The following TPM1 variants were observed in gnomAD, a reference collection of about 807,000 sequenced individuals.
TPM1 encodes the protein tropomyosin 1.
Under a neutral mutation model 42.9 loss-of-function variants are expected in TPM1, and 24 were observed. That is an observed-to-expected ratio of 0.56 (90% CI 0.41 to 0.79). The LOEUF is 0.79. TPM1 is among the 30% of genes least tolerant of loss of function. The pLI is 0.00. For synonymous variants in TPM1, 136 were observed against 130.1 expected, an observed-to-expected ratio of 1.05 and a Z score of -0.31; for missense variants, 158 against 351.8, an observed-to-expected ratio of 0.45 and a Z score of 4.41.
chr15:63,070,572 G>T (rs2141036903), downstream of TPM1: 1 of 1,008,996 alleles, frequency 9.9e-7, no homozygotes, highest in African/African-American at 1.7e-5. Context: ...AATGAAGTGT[G>T]CATGAAACAT....
chr15:63,070,016 C>T (rs1391963898), downstream of TPM1: 10 of 1,608,218 alleles, frequency 6.2e-6, no homozygotes, highest in Middle Eastern at 1.7e-4. Context: ...GACTGTCCTA[C>T]CTTCAACTAA....
In TPM1 at chr15:63,062,562, A is replaced by G. The variant is rs2035785514; in HGVS notation, c.703-14A>G. ...ATAAAACTTCCCAACTTTAACTCAAATAAATCATTACAGGCTGAGACTCGG... is the reference window on the plus strand; with the variant it reads ...ATAAAACTTCCCAACTTTAACTCAAGTAAATCATTACAGGCTGAGACTCGG... On this transcript the variant is annotated splice_polypyrimidine_tract_variant and intron_variant, in intron 7 of 9. Coordinates refer to ENST00000403994, the MANE Select transcript of TPM1 (RefSeq NM_001018005.2). 6.2e-7 allele frequency: 1 copy of G among 1,614,202 alleles called. No homozygotes were observed. Among genetic ancestry groups the G allele is most frequent in the Non-Finnish European group, 8.5e-7 (1 of 1,180,024 alleles).
chr15:63,062,628 G>T lies in TPM1; in HGVS notation c.755G>T (p.Ser252Ile), dbSNP rs1375629623. 1 of 1,614,110 alleles carries T rather than the reference G, an allele frequency of 6.2e-7. No homozygotes were observed. The highest frequency in any genetic ancestry group is 1.3e-5 in the African/African-American group (1 of 74,946). Residue 252 changes from serine (S) to isoleucine (I), a missense_variant, in exon 8 of 10, where the codon AGC becomes ATC. By Grantham distance (142) the Ser-to-Ile change is moderately radical. Around this residue, in one of 4 missense-constraint regions of TPM1, gnomAD observed 64 missense variants for 95.8 expected, o/e 0.67. Transcript: ENST00000403994. The stretch of plus-strand genomic sequence containing the variant: ...AGGTCAGTAACTAAATTGGAGAAAA[G>T]CATTGATGACTTAGAAGGTAAGATC... ...AERSVTKLEK[S>I]IDDLEDELYA... is the part of the protein sequence containing the mutation.
In TPM1 at chr15:63,062,626, A is replaced by G. The variant is rs764036919; in HGVS notation, c.753A>G (p.Lys251=). ...FAERSVTKLE[K]SIDDLEDELY... ...AGAGGTCAGTAACTAAATTGGAGAAAAGCATTGATGACTTAGAAGGTAAGA... is the reference window on the plus strand; with the variant it reads ...AGAGGTCAGTAACTAAATTGGAGAAGAGCATTGATGACTTAGAAGGTAAGA... Residue 251 remains lysine (K), a synonymous_variant, in exon 8 of 10, where the codon AAA becomes AAG. Transcript: ENST00000403994. 6.2e-7 allele frequency: 1 copy of G among 1,614,246 alleles called. No individual in the cohort carries two copies. Among genetic ancestry groups the G allele is most frequent in the Admixed American group, 1.7e-5 (1 of 60,030 alleles).
rs966931480 is a variant in TPM1, at chr15:63,064,820, A to G, written c.851+678A>G. 3.1e-5 allele frequency: 17 copies of G among 541,152 alleles called. No homozygotes were observed. The African/African-American group carries it at 3.3e-4, about 10-fold the overall frequency. The allele number at this position is 541,152 out of a possible 1,614,324, so 33.5% of individuals were successfully genotyped here. ...CTCTACTAAAAATACAAAAAAAATT[A>G]GCCGGGCGTGGTGGTGGATGCCTGT... On this transcript the variant is annotated intron_variant, in intron 9 of 9. Coordinates refer to ENST00000403994, the MANE Select transcript of TPM1 (RefSeq NM_001018005.2).
At chr15:63,069,872 C>A, downstream of TPM1, 1 of 1,614,038 alleles carries the variant, frequency 6.2e-7, no homozygotes, top group Non-Finnish European at 8.5e-7. Flanking sequence ...CTGTACAGAT[C>A]AACTCTACCA....
In TPM1 at chr15:63,071,198, C is replaced by CTTTCATTTTG. The variant is rs1555412174; in HGVS notation, c.*30_*31insATTTTGTTTC. 2.8e-6 allele frequency: 3 copies of CTTTCATTTTG among 1,059,464 alleles called. No homozygotes were observed. The South Asian group carries it at 4.1e-5, about 14-fold the overall frequency. 65.6% of individuals were successfully genotyped at this position (1,059,464 alleles called of 1,614,324 possible). ...AAACCTCCTTAGCTGCGACCACATT[C>CTTTCATTTTG]TTTCGTTTTGTTTTGTTTTGTTTTT... On this transcript the variant is annotated 3_prime_UTR_variant, in exon 9 of 9. Coordinates refer to the TPM1 transcript ENST00000267996.
intron 5 of TPM1, chr15:63,061,176 C>T: frequency 6.2e-7 from 1 of 1,612,680 alleles, no homozygotes; most frequent in Non-Finnish European, 8.5e-7. Context: ...TGGCCTTGTG[C>T]ATTTCCTGTG....
intron 2 of TPM1, among the ~76,000 whole-genome samples, chr15:63,055,404 C>G (rs772682741): frequency 1.7e-4 from 26 of 152,218 alleles, no homozygotes; most frequent in Non-Finnish European, 2.9e-4. Flanking sequence ...TCTAGGTGAG[C>G]AAAGAGCTGA....
chr15:63,062,956 T>C (rs1398295723), intron 8 of TPM1: 8 of 1,424,964 alleles, frequency 5.6e-6, no homozygotes, highest in Admixed American at 3.0e-5. Context: ...GACTCTAGTA[T>C]ATTTTATATC....
intron 2 of TPM1, among the ~76,000 whole-genome samples, chr15:63,051,929 A>G (rs2033958483): frequency 7.0e-6 from 1 of 143,626 alleles, no homozygotes; most frequent in South Asian, 2.2e-4. Context: ...ATTTGGGATA[A>G]TATTATACTA....
chr15:63,042,773 C>T lies in TPM1; in HGVS notation c.-57C>T, dbSNP rs548506915. On this transcript the variant is annotated 5_prime_UTR_variant, in exon 1 of 10. Coordinates refer to ENST00000403994, the MANE Select transcript of TPM1 (RefSeq NM_001018005.2). The stretch of plus-strand genomic sequence containing the variant: ...CTCGCACTCCCGCTCCTCCGCCCGA[C>T]CGCGCGCTCGCCCCGCCGCTCCTGC... 1 of 1,488,856 alleles carries T rather than the reference C, an allele frequency of 6.7e-7. No homozygotes were observed. Among genetic ancestry groups the T allele is most frequent in the East Asian group, 2.3e-5 (1 of 43,548 alleles). 92.2% of individuals were successfully genotyped at this position (1,488,856 alleles called of 1,614,324 possible). A position where few individuals can be genotyped will look rare whatever the true frequency, so the allele number is the denominator to read the frequency against.
At chr15:63,050,209 A>G (rs908078824) in intron 2 of TPM1, among the ~76,000 whole-genome samples, 4 of 152,222 alleles carry the variant, frequency 2.6e-5, no homozygotes, top group Non-Finnish European at 4.4e-5. Context: ...CTTCACCTTC[A>G]GTTCCCCACC....
chr15:63,047,145 C>A (rs780755041), intron 2 of TPM1: 1 of 152,286 alleles, frequency 6.6e-6, no homozygotes, highest in Non-Finnish European at 1.5e-5. Context: ...CCCCACCTGA[C>A]CAGATGAACC....
At chr15:63,063,877 G>T (rs943451943) in intron 8 of TPM1, 187 bp from the exon 9 acceptor site, 19 of 668,756 alleles carry the variant, frequency 2.8e-5, no homozygotes, top group East Asian at 8.7e-5. Context: ...CTTTGTTTTT[G>T]TTTCAATTTA....
chr15:63,059,418 G>A, intron 3 of TPM1, 145 bp from the exon 4 acceptor site: 2 of 619,736 alleles, frequency 3.2e-6, no homozygotes, highest in South Asian at 3.0e-5. Context: ...GGAAATTGTT[G>A]TTTCCTGGTT....
chr15:63,050,657 A>G (rs895164192), intron 2 of TPM1, among the ~76,000 whole-genome samples: 1 of 152,234 alleles, frequency 6.6e-6, no homozygotes, highest in Non-Finnish European at 1.5e-5. Context: ...ATCTTTGCAA[A>G]CAATCTACCT....
downstream of TPM1, chr15:63,070,423 T>A (rs2036548353): frequency 1.0e-6 from 1 of 994,882 alleles, no homozygotes; most frequent in Admixed American, 5.6e-5. Flanking sequence ...GCAAAATAGC[T>A]TTTGAAAACA....
intron 8 of TPM1, chr15:63,062,864 TGCCATCCA>T: frequency 6.6e-7 from 1 of 1,520,324 alleles, no homozygotes; most frequent in East Asian, 2.5e-5. Context: ...TAGTGGCAAA[TGCCATCCA>T]GCTTGACTTC....
Sources: gnomAD v4.1 joint callset for allele counts (sites outside exome capture counted in the v4.1 genomes callset) on GRCh38, gnomAD v4.1.1 for gene constraint, gnomAD v4.1.1 regional missense constraint, MANE v1.5 for transcripts, NCBI Gene and HGNC (gene_info 2026-07-23, HGNC 2026-07-21) for gene names.